GNL2: variants seen among roughly 807,000 people sequenced by gnomAD.
The protein encoded by GNL2 is G protein nucleolar 2.
GNL2 carries 51 observed loss-of-function variants against 92.3 expected under a neutral mutation model. The observed-to-expected ratio is 0.55, with a 90% CI of 0.44 to 0.70. The LOEUF (loss-of-function observed/expected upper bound fraction) is 0.70. GNL2 is among the 30% of genes least tolerant of loss of function. GNL2 has a pLI of 0.00. For synonymous variants in GNL2, 283 were observed against 300.6 expected, an observed-to-expected ratio of 0.94 and a Z score of 0.61; for missense variants, 844 against 895.6, an observed-to-expected ratio of 0.94 and a Z score of 0.74.
chr1:37,582,111 C>G (rs1453999866), intron 8 of GNL2, 112 bp downstream of exon 8: 1 of 653,380 alleles, frequency 1.5e-6, no homozygotes, highest in Non-Finnish European at 2.6e-6. Flanking sequence ...CAGACCTGCG[C>G]AACCACGTCC....
chr1:37,591,876 G>A (rs1643889841), intron 3 of GNL2, among the ~76,000 whole-genome samples: 1 of 152,214 alleles, frequency 6.6e-6, no homozygotes, highest in African/African-American at 2.4e-5. Context: ...TGTTAGGGAT[G>A]AGAAAACTGA....
chr1:37,568,026 C>A (rs1352082677), intron 14 of GNL2: 1 of 589,506 alleles, frequency 1.7e-6, no homozygotes, highest in African/African-American at 1.9e-5. Context: ...TGTGGACCCA[C>A]CCTTGGATTC....
At chr1:37,574,937 G>C (rs1248400581) in intron 10 of GNL2, 114 bp from the exon 11 acceptor site, 1 of 728,074 alleles carries the variant, frequency 1.4e-6, no homozygotes, top group Non-Finnish European at 2.3e-6. Context: ...AAAGCTCGTG[G>C]AGATTGGCAG....
At chr1:37,588,208 G>A (rs1213667394) in intron 4 of GNL2, among the ~76,000 whole-genome samples, 1 of 151,810 alleles carries the variant, frequency 6.6e-6, no homozygotes, top group Non-Finnish European at 1.5e-5. Flanking sequence ...ACAGGCATAG[G>A]AATTTCTGAA....
At chr1:37,584,599 A>G (rs1268219592) in intron 5 of GNL2, among the ~76,000 whole-genome samples, 1 of 152,178 alleles carries the variant, frequency 6.6e-6, no homozygotes, top group East Asian at 1.9e-4. Flanking sequence ...AGGCACCTAA[A>G]CCAGTCAAAT....
At chr1:37,582,701 C>T (rs1366013973) in intron 7 of GNL2, 77 bp downstream of exon 7, 3 of 1,193,668 alleles carry the variant, frequency 2.5e-6, no homozygotes, top group Middle Eastern at 2.1e-4. Flanking sequence ...CCGGACAACA[C>T]TTTAGCCTAA....
At chr1:37,594,265 G>A (rs141048463) in intron 1 of GNL2, among the ~76,000 whole-genome samples, 1 of 152,214 alleles carries the variant, frequency 6.6e-6, no homozygotes, top group Non-Finnish European at 1.5e-5. Flanking sequence ...ATTTGTACAT[G>A]AGCATTTGAT....
At chr1:37,585,857 T>C (rs1433525666) in intron 5 of GNL2, among the ~76,000 whole-genome samples, 1 of 152,116 alleles carries the variant, frequency 6.6e-6, no homozygotes, top group Non-Finnish European at 1.5e-5. Context: ...TTAAGAGACA[T>C]GAGATGGACG....
Position 37,593,835 on chromosome 1 carries a change from C to T in GNL2, c.76G>A (p.Gly26Arg), listed in dbSNP as rs780249715. 6.2e-7 allele frequency: 1 copy of T among 1,613,150 alleles called. No homozygotes were observed. The highest frequency in any genetic ancestry group is 1.1e-5 in the South Asian group (1 of 91,028). The part of the protein sequence containing the change: ...KASTNPDRVQ[G>R]AGGQNMRDRA... ...TCCCTCATGTTTTGGCCTCCTGCTC[C>T]CTGCACTCGATCTACAAAAGGCAGA... The change falls in exon 2 of 16, where the codon GGA (glycine) becomes AGA (arginine). Residue 26 changes from glycine (G) to arginine (R), a missense_variant. By Grantham distance (125) the Gly-to-Arg change is moderately radical (BLOSUM62 -2). Coordinates refer to ENST00000373062, the MANE Select transcript of GNL2 (RefSeq NM_013285.3).
At chr1:37,591,972 T>C (rs1309612304) in intron 3 of GNL2, among the ~76,000 whole-genome samples, 1 of 152,230 alleles carries the variant, frequency 6.6e-6, no homozygotes, top group Non-Finnish European at 1.5e-5. Context: ...CGAGTCACAG[T>C]ACCCAGCAGC....
Position 37,590,836 on chromosome 1 carries a change from C to T in GNL2, c.254G>A (p.Arg85His), listed in dbSNP as rs745746213. Residue 85 changes from arginine to histidine, a missense_variant, in exon 4 of 16, where the codon CGT becomes CAT. Coordinates refer to ENST00000373062, the MANE Select transcript of GNL2 (RefSeq NM_013285.3). ...EPNIKWFGNT[R>H]VIKQSSLQKF... The stretch of plus-strand genomic sequence containing the variant: ...TTGTAATGATGACTGCTTAATCACA[C>T]GTGTGTTTCCTGTTTTACAAATAAA... 1.5e-5 allele frequency: 23 copies of T among 1,571,146 alleles called. No homozygotes were observed. The highest frequency in any genetic ancestry group is 3.8e-5 in the Admixed American group (2 of 52,100).
chr1:37,577,857 T>C (rs1643703115), intron 8 of GNL2, among the ~76,000 whole-genome samples: 1 of 152,224 alleles, frequency 6.6e-6, no homozygotes, highest in Non-Finnish European at 1.5e-5. Flanking sequence ...AAGTGGCTTT[T>C]GGATTTTTTG....
chr1:37,576,303 G>GGT lies in GNL2; in HGVS notation c.1038+123_1038+124dup, dbSNP rs1228451048. 3 of 825,414 alleles carry GGT rather than the reference G, an allele frequency of 3.6e-6. No individual in the cohort carries two copies. In the East Asian group the frequency reaches 7.5e-5, roughly 21 times the overall value. The allele number at this position is 825,414 out of a possible 1,614,324, so 51.1% of individuals were successfully genotyped here. ...TCTGATACGTTCCAAACTATTATAT[G>GGT]GTGAGCTAAACTCCTAGTGGTGGTC... On this transcript the variant is annotated intron_variant, in intron 9 of 15. Transcript: ENST00000373062.
At chr1:37,587,788 G>A (rs879665528) in intron 4 of GNL2, among the ~76,000 whole-genome samples, 1 of 152,148 alleles carries the variant, frequency 6.6e-6, no homozygotes, top group South Asian at 2.1e-4. Flanking sequence ...CAAAAACTCT[G>A]CTTTATTTCA....
chr1:37,567,664 G>A lies in GNL2; in HGVS notation c.2043+9C>T. ...TACTTGGGCCATACTTAAAACCTAT[G>A]ACACTTACTTCTTTTGATGTAAGCG... On this transcript the variant is annotated intron_variant, in intron 15 of 15. Transcript: ENST00000373062. The A allele has an allele frequency of 1.9e-6, 3 of 1,577,896 alleles. No individual in the cohort carries two copies. The highest frequency in any genetic ancestry group is 2.6e-6 in the Non-Finnish European group (3 of 1,147,134).
chr1:37,583,912 G>A lies in GNL2; in HGVS notation c.591C>T (p.Ile197=). The change falls in exon 6 of 16, where the codon ATC becomes ATT. Residue 197 remains isoleucine (I), a synonymous_variant. Transcript: ENST00000373062. ...TTCTTTTGGACTGTCCCTTTTTATA[G>A]ATCTCTTCTTGAGCTTCATTTCTAA... ...TGVRNEAQEE[I]YKKGQSKRIW... is the part of the protein sequence containing the mutation. 1 of 1,582,546 alleles carries A rather than the reference G, an allele frequency of 6.3e-7. No individual in the cohort carries two copies. The highest frequency in any genetic ancestry group is 8.7e-7 in the Non-Finnish European group (1 of 1,150,872).
intron 4 of GNL2, 35 bp downstream of exon 4, chr1:37,590,671 G>C: frequency 6.3e-7 from 1 of 1,586,656 alleles, no homozygotes; most frequent in Non-Finnish European, 8.7e-7. Flanking sequence ...AGTTTGCCCA[G>C]GAAATTCCAT....
chr1:37,572,413 A>T (rs1643608092), intron 12 of GNL2, among the ~76,000 whole-genome samples: 8 of 152,210 alleles, frequency 5.3e-5, no homozygotes, highest in Admixed American at 3.3e-4. Context: ...TGGTCACCAG[A>T]AAGACAAAGC....
At chr1:37,568,043 A>T (rs1557635864) in intron 14 of GNL2, 1 of 590,294 alleles carries the variant, frequency 1.7e-6, no homozygotes, top group African/African-American at 1.9e-5. Flanking sequence ...ATTCTAGGTT[A>T]ATAATGAACC....
Sources: allele counts gnomAD v4.1 joint callset (sites outside exome capture counted in the v4.1 genomes callset), GRCh38; gene constraint gnomAD v4.1.1; transcripts MANE v1.5; gene names NCBI Gene and HGNC (gene_info 2026-07-23, HGNC 2026-07-21).